Variants in ROBO1 observed in about 807,000 individuals in gnomAD.
The protein encoded by ROBO1 is roundabout homolog 1.
Under a neutral mutation model 195.9 loss-of-function variants are expected in ROBO1, and 149 were observed. That is an observed-to-expected ratio of 0.76 (90% CI 0.67 to 0.87). The LOEUF (loss-of-function observed/expected upper bound fraction) is 0.87. Among genes scored for constraint, ROBO1 ranks in the 40% least tolerant of loss-of-function variants. The probability of loss-of-function intolerance (pLI) is 0.00; values close to 1 mark genes in which losing one functional copy is unlikely to be tolerated. For missense variants in ROBO1, 1,933 were observed against 2,068.3 expected, an observed-to-expected ratio of 0.93 and a Z score of 1.27; for synonymous variants, 816 against 733.2, an observed-to-expected ratio of 1.11 and a Z score of -1.82.
intron 2 of ROBO1, among the ~76,000 whole-genome samples, chr3:79,167,456 CTATAACT>C (rs1260064853): frequency 2.0e-5 from 3 of 152,200 alleles, no homozygotes; most frequent in East Asian, 1.9e-4. Context: ...TTCTAAATTC[CTATAACT>C]TATATCTTTA....
At chr3:78,740,110 T>C (rs1043991551) in intron 5 of ROBO1, among the ~76,000 whole-genome samples, 2 of 152,146 alleles carry the variant, frequency 1.3e-5, no homozygotes, top group Non-Finnish European at 2.9e-5. Context: ...GTGCTTGTAA[T>C]AGGACCTGGC....
At chr3:78,723,657 T>C (rs911824515) in intron 5 of ROBO1, among the ~76,000 whole-genome samples, 1 of 151,574 alleles carries the variant, frequency 6.6e-6, no homozygotes, top group Non-Finnish European at 1.5e-5. Flanking sequence ...TGGTGTGGGG[T>C]TGGGGGATTG....
chr3:78,748,017 A>T (rs1408790251), intron 4 of ROBO1, among the ~76,000 whole-genome samples: 1 of 152,090 alleles, frequency 6.6e-6, no homozygotes, highest in Non-Finnish European at 1.5e-5. Flanking sequence ...TCATTCCTCC[A>T]CCCTGCTTTC....
intron 2 of ROBO1, among the ~76,000 whole-genome samples, chr3:79,422,494 G>A (rs1370422355): frequency 6.6e-6 from 1 of 152,082 alleles, no homozygotes; most frequent in East Asian, 1.9e-4. Flanking sequence ...AGACTTCGTT[G>A]ATGTACTAAT....
chr3:79,462,596 A>G (rs1469818222), intron 2 of ROBO1, among the ~76,000 whole-genome samples: 1 of 152,212 alleles, frequency 6.6e-6, no homozygotes, highest in East Asian at 1.9e-4. Context: ...TAGACAATGA[A>G]GCACTTTTGG....
Position 78,635,982 on chromosome 3 carries a change from C to A in ROBO1, c.3164G>T (p.Ser1055Ile). The A allele has an allele frequency of 3.1e-6, 5 of 1,613,832 alleles. No homozygotes were observed. Among genetic ancestry groups the A allele is most frequent in the Non-Finnish European group, 4.2e-6 (5 of 1,179,834 alleles). Residue 1055 changes from serine to isoleucine, a missense_variant, in exon 23 of 31, where the codon AGC becomes ATC. Physicochemically the swap from Ser to Ile is moderately radical, Grantham distance 142. This residue lies in a region of ROBO1 where 1,737 missense variants were observed against 1,882.5 expected (regional missense o/e 0.92). Coordinates refer to ENST00000464233, the MANE Select transcript of ROBO1 (RefSeq NM_002941.4). ...NKINEMKTFNSPNLKDGRFVN... is the reference protein window; with the variant it reads ...NKINEMKTFNIPNLKDGRFVN... Reference sequence around the variant, plus strand: ...AAAACGCCCATCCTTCAGATTTGGGCTATTGAAGGTTTTCATCTCATTGAT... The same window carrying A: ...AAAACGCCCATCCTTCAGATTTGGGATATTGAAGGTTTTCATCTCATTGAT...
chr3:78,887,203 T>A (rs1487008943), intron 4 of ROBO1, among the ~76,000 whole-genome samples: 1 of 152,170 alleles, frequency 6.6e-6, no homozygotes, highest in Non-Finnish European at 1.5e-5. Flanking sequence ...CAATGTGGCA[T>A]GACGGCAGCA....
intron 2 of ROBO1, among the ~76,000 whole-genome samples, chr3:79,272,077 T>A (rs2030618053): frequency 2.0e-5 from 3 of 152,184 alleles, no homozygotes; most frequent in Admixed American, 2.0e-4. Context: ...AAATCTATTT[T>A]TAAAAGGTCA....
intron 1 of ROBO1, among the ~76,000 whole-genome samples, chr3:79,721,602 A>G (rs1306113551): frequency 1.3e-5 from 2 of 152,194 alleles, no homozygotes; most frequent in Non-Finnish European, 2.9e-5. Context: ...CAGACCTTTG[A>G]AAATATCAAA....
intron 1 of ROBO1, among the ~76,000 whole-genome samples, chr3:79,715,004 T>C (rs955201328): frequency 1.9e-4 from 29 of 151,782 alleles, no homozygotes; most frequent in African/African-American, 6.8e-4. Flanking sequence ...ATAATAATAA[T>C]AAAATTTTTT....
At chr3:78,780,352 A>G (rs2083638621) in intron 4 of ROBO1, among the ~76,000 whole-genome samples, 1 of 152,218 alleles carries the variant, frequency 6.6e-6, no homozygotes, top group African/African-American at 2.4e-5. Context: ...TCCAAAATTC[A>G]AAATACCTTA....
chr3:78,782,183 A>C (rs1022072449), intron 4 of ROBO1, among the ~76,000 whole-genome samples: 1 of 152,096 alleles, frequency 6.6e-6, no homozygotes, highest in Non-Finnish European at 1.5e-5. Flanking sequence ...TATTAAAATT[A>C]AGTTGAAATT....
intron 1 of ROBO1, among the ~76,000 whole-genome samples, chr3:79,685,650 G>A (rs971389273): frequency 3.3e-5 from 5 of 152,026 alleles, no homozygotes; most frequent in Admixed American, 1.3e-4. Context: ...CATTGTGCAC[G>A]CTCCAGTGGC....
intron 2 of ROBO1, among the ~76,000 whole-genome samples, chr3:79,495,276 T>C (rs773371929): frequency 6.6e-6 from 1 of 152,090 alleles, no homozygotes; most frequent in African/African-American, 2.4e-5. Context: ...AACAATCACA[T>C]AAAGAGGGGC....
chr3:79,322,526 C>T (rs1347734116), intron 2 of ROBO1, among the ~76,000 whole-genome samples: 1 of 152,136 alleles, frequency 6.6e-6, no homozygotes, highest in African/African-American at 2.4e-5. Flanking sequence ...TAATACTGTT[C>T]CTGACAAATG....
At chr3:79,560,110 A>C (rs1255137347) in intron 2 of ROBO1, among the ~76,000 whole-genome samples, 2 of 152,010 alleles carry the variant, frequency 1.3e-5, no homozygotes, top group African/African-American at 4.8e-5. Context: ...TAAGTGATTA[A>C]TAGAGAATTT....
intron 3 of ROBO1, among the ~76,000 whole-genome samples, chr3:78,991,780 A>G (rs1393756039): frequency 6.6e-6 from 1 of 152,188 alleles, no homozygotes; most frequent in Non-Finnish European, 1.5e-5. Flanking sequence ...ATTATCAGAC[A>G]TACGAGAAAA....
intron 2 of ROBO1, among the ~76,000 whole-genome samples, chr3:79,583,659 TAA>T (rs1560014407): frequency 1.3e-5 from 2 of 151,982 alleles, no homozygotes; most frequent in African/African-American, 4.8e-5. Flanking sequence ...TAGCATAAAT[TAA>T]GAGACATTTG....
intron 2 of ROBO1, among the ~76,000 whole-genome samples, chr3:79,213,022 G>T (rs571698793): frequency 6.6e-6 from 1 of 151,798 alleles, no homozygotes; most frequent in Non-Finnish European, 1.5e-5. Flanking sequence ...GAGGCAGGTG[G>T]ATCACAAGCT....
Sources: allele counts gnomAD v4.1 joint callset (sites outside exome capture counted in the v4.1 genomes callset), GRCh38; gene constraint gnomAD v4.1.1; regional missense constraint gnomAD v4.1.1; transcripts MANE v1.5; gene names NCBI Gene and HGNC (gene_info 2026-07-23, HGNC 2026-07-21).